TMEM74: variants seen among roughly 807,000 people sequenced by gnomAD.
TMEM74 encodes transmembrane protein 74.
A neutral mutation model predicts 18.1 loss-of-function variants in TMEM74; 13 were observed. The ratio of observed to expected loss-of-function variants is 0.72; its 90% CI spans 0.47 to 1.14. The LOEUF (loss-of-function observed/expected upper bound fraction) is 1.14, where lower values mean the gene tolerates loss of function less well. TMEM74 is among the 50% of genes most tolerant of loss of function. The pLI is 0.00. For synonymous variants in TMEM74, 159 were observed against 146.6 expected (o/e 1.08, Z -0.61); for missense variants, 372 against 375.9 (o/e 0.99, Z 0.09).
At chr8:108,677,454 T>C (rs987944610) in intron 1 of TMEM74, among the ~76,000 whole-genome samples, 1 of 152,124 alleles carries the variant, frequency 6.6e-6, no homozygotes, top group African/African-American at 2.4e-5. Flanking sequence ...AAATATTCTT[T>C]AAAAGATTTG....
chr8:108,665,244 A>T (rs191132952), intron 1 of TMEM74, among the ~76,000 whole-genome samples: 34 of 152,284 alleles, frequency 2.2e-4, no homozygotes, highest in African/African-American at 5.3e-4. Context: ...TTCGACCTGA[A>T]TTATTATATA....
intron 1 of TMEM74, among the ~76,000 whole-genome samples, chr8:108,716,344 T>G (rs1056257984): frequency 6.6e-6 from 1 of 152,088 alleles, no homozygotes; most frequent in African/African-American, 2.4e-5. Flanking sequence ...ACATTAAAAC[T>G]ATTAAATAAT....
intron 1 of TMEM74, among the ~76,000 whole-genome samples, chr8:108,740,016 C>G (rs1813784789): frequency 6.6e-6 from 1 of 151,974 alleles, no homozygotes; most frequent in Non-Finnish European, 1.5e-5. Flanking sequence ...ATGTGGGGGT[C>G]AAAAGGGCAG....
chr8:108,772,577 A>G (rs1296688942), intron 1 of TMEM74, among the ~76,000 whole-genome samples: 3 of 152,188 alleles, frequency 2.0e-5, no homozygotes, highest in Admixed American at 1.3e-4. Flanking sequence ...GGAGAGATCA[A>G]TGATAATGTG....
At position 108,671,144 on chromosome 8, in the gene TMEM74, A is replaced by C. The variant is rs150736500; in HGVS notation, n.120-15707T>G. Among the ~76,000 whole-genome samples, 12 of 152,304 alleles carry C rather than the reference A, an allele frequency of 7.9e-5. No individual in the cohort carries two copies. The East Asian group carries it at 2.3e-3, about 29-fold the overall frequency. On this transcript the variant is annotated intron_variant and non_coding_transcript_variant, in intron 1 of 3. Coordinates refer to the TMEM74 transcript ENST00000518838. ...AGTTGCAAAATACATCACCTAAACT[A>C]TAGGTAGGGACTGGTGATGGCCAGT... is the stretch of plus-strand genomic sequence containing the variant.
chr8:108,784,645 C>A lies in TMEM74; in HGVS notation c.454G>T (p.Ala152Ser). The A allele has an allele frequency of 1.9e-6, 3 of 1,614,210 alleles. No homozygotes were observed. The highest frequency in any genetic ancestry group is 2.5e-6 in the Non-Finnish European group (3 of 1,180,044). The change falls in exon 2 of 2, where the codon GCC becomes TCC. Residue 152 changes from alanine (A) to serine (S), a missense_variant. Ala to Ser is a moderately conservative substitution (Grantham distance 99). Coordinates refer to ENST00000297459, the MANE Select transcript of TMEM74 (RefSeq NM_153015.3). ...TCCTCTTCAGATATCAAAGATATGG[C>A]AGCCTCTTGGGACCACTCATTTGGA... The part of the protein sequence containing the change: ...ENPNEWSQEA[A>S]ISLISEEEDD...
intron 1 of TMEM74, among the ~76,000 whole-genome samples, chr8:108,727,370 G>A (rs546471114): frequency 4.6e-5 from 7 of 152,166 alleles, no homozygotes; most frequent in Non-Finnish European, 7.4e-5. Flanking sequence ...TTGATTAGGA[G>A]GACAACAGTA....
chr8:108,653,010 A>C (rs1398583282), intron 2 of TMEM74: 1 of 209,576 alleles, frequency 4.8e-6, no homozygotes, highest in Non-Finnish European at 9.8e-6. Context: ...CCCGACTCCT[A>C]ACTTAGAATA....
intron 1 of TMEM74, among the ~76,000 whole-genome samples, chr8:108,731,237 C>G (rs952969162): frequency 2.0e-5 from 3 of 151,498 alleles, no homozygotes; most frequent in African/African-American, 7.3e-5. Flanking sequence ...CCCCATCCCC[C>G]CCAAAAAAAG....
chr8:108,759,490 T>C (rs922804503), intron 1 of TMEM74, among the ~76,000 whole-genome samples: 5 of 152,072 alleles, frequency 3.3e-5, no homozygotes, highest in Admixed American at 6.6e-5. Flanking sequence ...TTGAAACAAC[T>C]TAAAAGGGAC....
Position 108,756,740 on chromosome 8 carries a change from GAAA to G in TMEM74, n.119+30733_119+30735del, listed in dbSNP as rs1813978167. ...AGAAAGAGAAAGAAAGAAAGAGAAA[GAAA>G]GAAGGGAGGGAGGGAGGGAGGGAGG... On this transcript the variant is annotated intron_variant and non_coding_transcript_variant, in intron 1 of 3. Coordinates refer to the TMEM74 transcript ENST00000518838. 8.7e-5 allele frequency among the ~76,000 whole-genome samples: 7 copies of G among 80,210 alleles called. No homozygotes were observed. In the South Asian group the frequency reaches 1.6e-3, roughly 18 times the overall value. The allele number at this position is 80,210 out of a possible 152,430, so 52.6% of individuals were successfully genotyped here.
At chr8:108,642,926 T>C (rs1392873853) in intron 2 of TMEM74, among the ~76,000 whole-genome samples, 1 of 152,156 alleles carries the variant, frequency 6.6e-6, no homozygotes, top group Non-Finnish European at 1.5e-5. Context: ...GATAATCCCA[T>C]AGAAAAATAA....
intron 1 of TMEM74, among the ~76,000 whole-genome samples, chr8:108,746,861 G>T (rs924768401): frequency 6.6e-6 from 1 of 152,122 alleles, no homozygotes; most frequent in African/African-American, 2.4e-5. Context: ...GTGATGGGAA[G>T]GTGGCAAGTC....
intron 1 of TMEM74, among the ~76,000 whole-genome samples, chr8:108,678,644 T>C (rs1281250984): frequency 6.6e-6 from 1 of 151,480 alleles, no homozygotes; most frequent in African/African-American, 2.4e-5. Context: ...GCCATTATTA[T>C]TGTCATGCCC....
At chr8:108,719,156 C>T (rs1371262041) in intron 1 of TMEM74, among the ~76,000 whole-genome samples, 1 of 151,968 alleles carries the variant, frequency 6.6e-6, no homozygotes, top group South Asian at 2.1e-4. Context: ...CTCTGATTCT[C>T]TTGATATAGG....
At chr8:108,693,716 T>A (rs1301933799) in intron 1 of TMEM74, among the ~76,000 whole-genome samples, 4 of 152,234 alleles carry the variant, frequency 2.6e-5, no homozygotes, top group Admixed American at 2.0e-4. Flanking sequence ...CACTGAATTA[T>A]CCTTAGAGGC....
intron 2 of TMEM74, among the ~76,000 whole-genome samples, chr8:108,634,629 T>A (rs563470478): frequency 1.3e-5 from 2 of 152,106 alleles, no homozygotes; most frequent in African/African-American, 4.8e-5. Flanking sequence ...GTGGCTGATT[T>A]TCAGGGGACT....
At chr8:108,670,523 C>T (rs1339065666) in intron 1 of TMEM74, among the ~76,000 whole-genome samples, 1 of 152,186 alleles carries the variant, frequency 6.6e-6, no homozygotes, top group Non-Finnish European at 1.5e-5. Flanking sequence ...TATGATGTCA[C>T]TTCCCCATTA....
At chr8:108,739,936 C>T (rs771337080) in intron 1 of TMEM74, among the ~76,000 whole-genome samples, 2 of 152,076 alleles carry the variant, frequency 1.3e-5, no homozygotes, top group Non-Finnish European at 2.9e-5. Flanking sequence ...ATCGTGGAGG[C>T]TGTGAAGGCC....
Sources: gnomAD v4.1 joint callset for allele counts (sites outside exome capture counted in the v4.1 genomes callset) on GRCh38, gnomAD v4.1.1 for gene constraint, MANE v1.5 for transcripts, NCBI Gene and HGNC (gene_info 2026-07-23, HGNC 2026-07-21) for gene names.